The following OBSL1 variants were observed in gnomAD, a reference collection of about 807,000 sequenced individuals.
The protein encoded by OBSL1 is obscurin like cytoskeletal adaptor 1.
In OBSL1, 160 loss-of-function variants were observed where a neutral mutation model predicts 172.0. The ratio of observed to expected loss-of-function variants is 0.93; its 90% CI spans 0.82 to 1.06. The LOEUF (loss-of-function observed/expected upper bound fraction) is 1.06. Among genes scored for constraint, OBSL1 ranks in the 50% least tolerant of loss-of-function variants. The probability of loss-of-function intolerance (pLI) is 0.00; values close to 1 mark genes in which losing one functional copy is unlikely to be tolerated. For synonymous variants in OBSL1, 1,200 were observed against 1,196.3 expected (o/e 1.00, Z -0.06); for missense variants, 2,681 against 2,715.4 (o/e 0.99, Z 0.28).
chr2:219,563,380 A>G lies in OBSL1; in HGVS notation c.2655T>C (p.Cys885=). ...GEFQCVAGDE[C]AYFTVTITDV... ...CTGTGATGGTGACAGTGAAGTAGGC[A>G]CACTCATCTCCAGCGACGCACTGAA... Residue 885 remains cysteine, a synonymous_variant, in exon 7 of 21, where the codon TGT becomes TGC. Coordinates refer to ENST00000404537, the MANE Select transcript of OBSL1 (RefSeq NM_015311.3). 1 of 1,592,884 alleles carries G rather than the reference A, an allele frequency of 6.3e-7. No homozygotes were observed. The highest frequency in any genetic ancestry group is 8.6e-7 in the Non-Finnish European group (1 of 1,167,414).
Position 219,565,536 on chromosome 2 carries a change from T to G in OBSL1, c.2135-22A>C, listed in dbSNP as rs775013102. 26 of 1,597,278 alleles carry G rather than the reference T, an allele frequency of 1.6e-5. 1 individual carries two copies. The South Asian group carries it at 2.6e-4, about 16-fold the overall frequency. Reference sequence around the variant, plus strand: ...CTCTCTGTGTGGGGAGAAGTACAGATAAGCACCCCTCCCTCCGGTGCATGG... The same window carrying G: ...CTCTCTGTGTGGGGAGAAGTACAGAGAAGCACCCCTCCCTCCGGTGCATGG... On this transcript the variant is annotated intron_variant, in intron 5 of 20. Transcript: ENST00000404537.
In OBSL1 at chr2:219,566,913, T is replaced by A; in HGVS notation, c.2051A>T (p.His684Leu). ...ACCGCTGTCCTGGTGCTTGACGGCA[T>A]GCAGGATGAGTCTGTGCTGCAGACC... ...QKGLQHRLILHAVKHQDSGAL... is the reference protein window; with the variant it reads ...QKGLQHRLILLAVKHQDSGAL... The change falls in exon 5 of 21, where the codon CAT (histidine) becomes CTT (leucine). Residue 684 changes from histidine to leucine, a missense_variant. His to Leu is a moderately conservative substitution (Grantham distance 99, BLOSUM62 -3). Coordinates refer to ENST00000404537, the MANE Select transcript of OBSL1 (RefSeq NM_015311.3). 6.2e-7 allele frequency: 1 copy of A among 1,611,396 alleles called. No individual in the cohort carries two copies. Among genetic ancestry groups the A allele is most frequent in the Non-Finnish European group, 8.5e-7 (1 of 1,177,790 alleles).
chr2:219,563,388 C>T lies in OBSL1; in HGVS notation c.2647G>A (p.Asp883Asn), dbSNP rs753866572. Reference sequence around the variant, plus strand: ...GTGACAGTGAAGTAGGCACACTCATCTCCAGCGACGCACTGAAACTCGCCC... The same window carrying T: ...GTGACAGTGAAGTAGGCACACTCATTTCCAGCGACGCACTGAAACTCGCCC... ...DGGEFQCVAG[D>N]ECAYFTVTIT... The change falls in exon 7 of 21, where the codon GAT becomes AAT. Residue 883 changes from aspartate (D) to asparagine (N), a missense_variant. Asp to Asn is a conservative substitution (Grantham distance 23, BLOSUM62 1). This residue lies in a region of OBSL1 where 1,765 missense variants were observed against 1,748.3 expected (regional missense o/e 1.01). Coordinates refer to ENST00000404537, the MANE Select transcript of OBSL1 (RefSeq NM_015311.3). 1.2e-6 allele frequency: 2 copies of T among 1,601,440 alleles called. No individual in the cohort carries two copies. Among genetic ancestry groups the T allele is most frequent in the South Asian group, 2.2e-5 (2 of 89,182 alleles).
rs56977667 is a variant in OBSL1, at chr2:219,553,029, G to A, written c.4990-5C>T. 22 of 1,500,888 alleles carry A rather than the reference G, an allele frequency of 1.5e-5. No homozygotes were observed. In the African/African-American group the frequency reaches 2.7e-4, roughly 19 times the overall value. 93.0% of individuals were successfully genotyped at this position (1,500,888 alleles called of 1,614,324 possible). A position where few individuals can be genotyped will look rare whatever the true frequency, so the allele number is the denominator to read the frequency against. ...AGGCGTAAGCGCGTTCCCGTCCTAGGGGCGGGAGTTGCAGAGGGTCGGGGC... is the reference window on the plus strand; with the variant it reads ...AGGCGTAAGCGCGTTCCCGTCCTAGAGGCGGGAGTTGCAGAGGGTCGGGGC... On this transcript the variant is annotated splice_region_variant and splice_polypyrimidine_tract_variant and intron_variant, in intron 16 of 20. Transcript: ENST00000404537.
Position 219,567,269 on chromosome 2 carries a change from T to C in OBSL1, c.1837+4A>G. 1 of 1,586,750 alleles carries C rather than the reference T, an allele frequency of 6.3e-7. No homozygotes were observed. ...GATGGGTGGGTCTGGCAGGACCAAC[T>C]CACCAAGGTGAGCAGAACCGTGGAA... On this transcript the variant is annotated splice_donor_region_variant and intron_variant, in intron 4 of 20. Transcript: ENST00000404537.
intron 8 of OBSL1, 153 bp from the exon 9 acceptor site, chr2:219,559,650 A>G: frequency 1.5e-6 from 1 of 682,142 alleles, no homozygotes; most frequent in Non-Finnish European, 2.4e-6. Flanking sequence ...TGTTCTCTGA[A>G]ATCCCTGGGG....
rs765262040 is a variant in OBSL1, at chr2:219,563,506, G to A, written c.2529C>T (p.Asp843=). The change falls in exon 7 of 21, where the codon GAC becomes GAT. Residue 843 remains aspartate, a synonymous_variant. Transcript: ENST00000404537. Reference sequence around the variant, plus strand: ...AGTCACTCTCCTCCACCTCCTGCCCGTCCTTGTACCAACGCACAGGGGCGT... The same window carrying A: ...AGTCACTCTCCTCCACCTCCTGCCCATCCTTGTACCAACGCACAGGGGCGT... ...REDAPVRWYK[D]GQEVEESDFV... is the part of the protein sequence containing the mutation. 35 of 1,613,728 alleles carry A rather than the reference G, an allele frequency of 2.2e-5. No individual in the cohort carries two copies. The highest frequency in any genetic ancestry group is 6.7e-5 in the East Asian group (3 of 44,878).
intron 6 of OBSL1, among the ~76,000 whole-genome samples, chr2:219,564,796 C>A (rs1427409310): frequency 6.6e-6 from 1 of 152,122 alleles, no homozygotes; most frequent in African/African-American, 2.4e-5. Flanking sequence ...AGAAAGAAAG[C>A]CAGGCATGGT....
chr2:219,569,454 T>C (rs2106109603), intron 1 of OBSL1: 1 of 152,378 alleles, frequency 6.6e-6, no homozygotes, highest in South Asian at 2.1e-4. Context: ...CTGGTGAGTT[T>C]GGGGTGTGCT....
intron 7 of OBSL1, 100 bp from the exon 8 acceptor site, chr2:219,562,774 T>C (rs1559147010): frequency 7.5e-7 from 1 of 1,329,336 alleles, no homozygotes; most frequent in African/African-American, 1.4e-5. Flanking sequence ...GGCCATGTGT[T>C]GAAGAGGGAC....
At chr2:219,549,307 C>T (rs1357827548), downstream of OBSL1, 7 of 1,613,850 alleles carry the variant, frequency 4.3e-6, no homozygotes, top group African/African-American at 1.3e-5. Context: ...TGCTTATCGG[C>T]GCAGGCCAGT....
At position 219,568,212 on chromosome 2, in the gene OBSL1, ACGGAAC is replaced by A; in HGVS notation, c.1119_1124del (p.Trp373_Arg375delinsCys). The A allele has an allele frequency of 6.2e-7, 1 of 1,613,574 alleles. No homozygotes were observed. The highest frequency in any genetic ancestry group is 8.5e-7 in the Non-Finnish European group (1 of 1,179,844). On this transcript the variant is annotated inframe_deletion, in exon 2 of 21. Coordinates refer to ENST00000404537, the MANE Select transcript of OBSL1 (RefSeq NM_015311.3). The surrounding 1 kb of genome is among the most constrained non-coding windows in gnomAD (Gnocchi z 4.1). The stretch of plus-strand genomic sequence containing the variant: ...GGCAGGGCAGCAGCCGCTGGTCCTC[ACGGAAC>A]CAGGCCGTGGGGATGCGGGAGTTGG...
intron 8 of OBSL1, among the ~76,000 whole-genome samples, chr2:219,561,091 G>C (rs1193968758): frequency 6.6e-6 from 1 of 152,184 alleles, no homozygotes; most frequent in African/African-American, 2.4e-5. Context: ...GGCAGAATAT[G>C]TGCAGAAGGC....
In OBSL1 at chr2:219,557,222, T is replaced by G. The variant is rs151271719; in HGVS notation, c.4066+121A>C. 4,892 of 960,622 alleles carry G rather than the reference T, an allele frequency of 5.1e-3. 18 individuals are homozygous for G. Among genetic ancestry groups the G allele is most frequent in the Middle Eastern group, 6.1e-3 (24 of 3,930 alleles). 59.5% of individuals were successfully genotyped at this position (960,622 alleles called of 1,614,324 possible). On this transcript the variant is annotated intron_variant, in intron 12 of 20. Transcript: ENST00000404537. ...TGAGCCCCTATCCAAGTGATGGTCA[T>G]GCACGCACTGGTTGGAGCCAGAAGC... is the stretch of plus-strand genomic sequence containing the variant.
downstream of OBSL1, chr2:219,550,094 G>C: frequency 1.9e-6 from 1 of 513,314 alleles, no homozygotes; most frequent in Non-Finnish European, 3.4e-6. Flanking sequence ...GTGTGCTCAG[G>C]GTTGTGAGTG....
At chr2:219,551,488 C>A (rs1417300838) in intron 20 of OBSL1, 41 bp downstream of exon 20, 1 of 1,532,308 alleles carries the variant, frequency 6.5e-7, no homozygotes, top group East Asian at 2.4e-5. Flanking sequence ...AGCTCCCAGG[C>A]GCCCTCACCC....
Position 219,567,301 on chromosome 2 carries a change from G to C in OBSL1, c.1809C>G (p.His603Gln), listed in dbSNP as rs768657041. 1 of 1,602,370 alleles carries C rather than the reference G, an allele frequency of 6.2e-7. No homozygotes were observed. Among genetic ancestry groups the C allele is most frequent in the African/African-American group, 1.3e-5 (1 of 74,708 alleles). ...GGTGAGCAGAACCGTGGAACACCAC[G>C]TGGGGACTACGGCCATGTCCGCTGA... ...CTVSGHGRSP[H>Q]VVFHGSAHLV... The change falls in exon 4 of 21, where the codon CAC becomes CAG. Residue 603 changes from histidine (H) to glutamine (Q), a missense_variant. Physicochemically the swap from His to Gln is conservative, Grantham distance 24. Coordinates refer to ENST00000404537, the MANE Select transcript of OBSL1 (RefSeq NM_015311.3).
rs773441551 is a variant in OBSL1, at chr2:219,570,769, G to A, written c.464C>T (p.Pro155Leu). 3 of 1,491,178 alleles carry A rather than the reference G, an allele frequency of 2.0e-6. No individual in the cohort carries two copies. In the Admixed American group the frequency reaches 6.6e-5, roughly 33 times the overall value. 92.4% of individuals were successfully genotyped at this position (1,491,178 alleles called of 1,614,324 possible). ...CTTCTCCCAGTACAGTGTGGGCTCGGGGAGGCCCCCCGCCCGGCACGTCAG... is the reference window on the plus strand; with the variant it reads ...CTTCTCCCAGTACAGTGTGGGCTCGAGGAGGCCCCCCGCCCGGCACGTCAG... The part of the protein sequence containing the change: ...VVLTCRAGGL[P>L]EPTLYWEKDG... The change falls in exon 1 of 21, where the codon CCC becomes CTC. Residue 155 changes from proline (P) to leucine (L), a missense_variant. Coordinates refer to ENST00000404537, the MANE Select transcript of OBSL1 (RefSeq NM_015311.3).
Position 219,563,452 on chromosome 2 carries a change from A to C in OBSL1, c.2583T>G (p.His861Gln). 6.2e-7 allele frequency: 1 copy of C among 1,613,702 alleles called. No homozygotes were observed. Among genetic ancestry groups the C allele is most frequent in the Non-Finnish European group, 8.5e-7 (1 of 1,179,744 alleles). The change falls in exon 7 of 21, where the codon CAT (histidine) becomes CAG (glutamine). Residue 861 changes from histidine (H) to glutamine (Q), a missense_variant. By Grantham distance (24) the His-to-Gln change is conservative. Coordinates refer to ENST00000404537, the MANE Select transcript of OBSL1 (RefSeq NM_015311.3). ...DFVVLENEGPHRRLVLPATQP... is the reference protein window; with the variant it reads ...DFVVLENEGPQRRLVLPATQP... ...GGGTGGCGGGCAGCACCAGGCGGCGATGGGGCCCCTCATTCTCCAGCACCA... is the reference window on the plus strand; with the variant it reads ...GGGTGGCGGGCAGCACCAGGCGGCGCTGGGGCCCCTCATTCTCCAGCACCA...
Sources: allele counts gnomAD v4.1 joint callset (sites outside exome capture counted in the v4.1 genomes callset), GRCh38; gene constraint gnomAD v4.1.1; regional missense constraint gnomAD v4.1.1; non-coding constraint Gnocchi (gnomAD v3.1); transcripts MANE v1.5; gene names NCBI Gene and HGNC (gene_info 2026-07-23, HGNC 2026-07-21).